The following TRABD2B variants were observed in gnomAD, a reference collection of about 807,000 sequenced individuals.
The protein encoded by TRABD2B is metalloprotease TIKI2.
A neutral mutation model predicts 40.1 loss-of-function variants in TRABD2B; 14 were observed. The observed-to-expected ratio is 0.35, with a 90% CI of 0.23 to 0.55. TRABD2B has a LOEUF of 0.55. Ranked by LOEUF, TRABD2B falls within the 20% of genes least tolerant of loss-of-function variation. TRABD2B has a pLI of 0.90. For synonymous variants in TRABD2B, 263 were observed against 277.0 expected, an observed-to-expected ratio of 0.95 and a Z score of 0.50; for missense variants, 541 against 648.6, an observed-to-expected ratio of 0.83 and a Z score of 1.80.
intron 2 of TRABD2B, among the ~76,000 whole-genome samples, chr1:47,970,995 A>G (rs1216962312): frequency 2.0e-5 from 3 of 152,258 alleles, no homozygotes; most frequent in African/African-American, 4.8e-5. Context: ...GTCAAACTCT[A>G]CATCACTGGA....
rs1433912345 is a variant in TRABD2B, at chr1:47,996,211, C to T, written c.102+477G>A. ...AACGAGGAACAGGGAGAAAGTTTGT[C>T]TTAGGTCAGAGTGGGAGGGCAGGGA... On this transcript the variant is annotated intron_variant, in intron 1 of 6. Coordinates refer to ENST00000606738, the MANE Select transcript of TRABD2B (RefSeq NM_001194986.2). The surrounding 1 kb of genome is among the most constrained non-coding windows in gnomAD (Gnocchi z 4.6). 6.6e-6 allele frequency among the ~76,000 whole-genome samples: 1 copy of T among 151,820 alleles called. No homozygotes were observed. Among genetic ancestry groups the T allele is most frequent in the Non-Finnish European group, 1.5e-5 (1 of 67,966 alleles).
chr1:47,905,573 G>GCACCT (rs1644664916), intron 2 of TRABD2B, among the ~76,000 whole-genome samples: 2 of 152,070 alleles, frequency 1.3e-5, no homozygotes, highest in African/African-American at 4.8e-5. Context: ...CCTCCACTTT[G>GCACCT]GAAAAGAAAT....
intron 2 of TRABD2B, among the ~76,000 whole-genome samples, chr1:47,840,711 A>T (rs1036961104): frequency 6.6e-6 from 1 of 152,210 alleles, no homozygotes; most frequent in African/African-American, 2.4e-5. Context: ...TATGAGCTCC[A>T]AACTCCCTGC....
chr1:47,789,413 A>G (rs933068114), intron 4 of TRABD2B, among the ~76,000 whole-genome samples: 1 of 152,198 alleles, frequency 6.6e-6, no homozygotes, highest in African/African-American at 2.4e-5. Context: ...TCACAAATCA[A>G]TAAGGGCCTC....
intron 2 of TRABD2B, among the ~76,000 whole-genome samples, chr1:47,910,645 T>C (rs1644750324): frequency 6.6e-6 from 1 of 152,070 alleles, no homozygotes. Context: ...TAGAGTGTAG[T>C]AGTTAGAAAA....
At chr1:47,976,478 T>G (rs1293573820) in intron 2 of TRABD2B, among the ~76,000 whole-genome samples, 1 of 152,190 alleles carries the variant, frequency 6.6e-6, no homozygotes. Flanking sequence ...ACCTACTATG[T>G]GCTAGACATA....
chr1:47,811,682 C>T (rs1355294162), intron 2 of TRABD2B, among the ~76,000 whole-genome samples: 2 of 152,132 alleles, frequency 1.3e-5, no homozygotes, highest in Non-Finnish European at 1.5e-5. Context: ...GTGGGGTCTG[C>T]CCTGTTGGAG....
At chr1:47,846,826 T>C (rs1645476345) in intron 2 of TRABD2B, among the ~76,000 whole-genome samples, 1 of 144,820 alleles carries the variant, frequency 6.9e-6, no homozygotes, top group Non-Finnish European at 1.5e-5. Flanking sequence ...TGGCTTAACA[T>C]AATGCAGGCC....
chr1:47,845,213 G>A (rs750592917), intron 2 of TRABD2B, among the ~76,000 whole-genome samples: 2 of 152,152 alleles, frequency 1.3e-5, no homozygotes, highest in Admixed American at 6.5e-5. Context: ...GTTATGGAAA[G>A]AGCATGTCCG....
chr1:47,928,968 C>T (rs1645005263), intron 2 of TRABD2B, among the ~76,000 whole-genome samples: 3 of 152,252 alleles, frequency 2.0e-5, no homozygotes, highest in South Asian at 4.1e-4. Flanking sequence ...TACCTCTCAG[C>T]CTTGCATTTT....
At chr1:47,776,620 G>A (rs1207765295) in intron 5 of TRABD2B, among the ~76,000 whole-genome samples, 2 of 152,148 alleles carry the variant, frequency 1.3e-5, no homozygotes, top group Non-Finnish European at 2.9e-5. Context: ...CCTCTCCATG[G>A]CCACAATAGA....
intron 2 of TRABD2B, among the ~76,000 whole-genome samples, chr1:47,938,901 T>G (rs533859058): frequency 6.7e-6 from 1 of 149,502 alleles, no homozygotes; most frequent in Non-Finnish European, 1.5e-5. Context: ...GTTCTGAATC[T>G]CATACACAGA....
At chr1:47,778,596 C>T in intron 4 of TRABD2B, 52 bp from the exon 5 acceptor site, 1 of 1,353,022 alleles carries the variant, frequency 7.4e-7, no homozygotes, top group South Asian at 1.2e-5. Flanking sequence ...CCACCGGCCA[C>T]AGGGGACTGC....
Position 47,880,321 on chromosome 1 carries a change from C to CA in TRABD2B, c.667-78703dup, listed in dbSNP as rs199731361. ...ACAAAGTGAGACTCGGTCTCCCCACCAAAAAAAAAGAGAAAGAAAAAGATG... is the reference window on the plus strand; with the variant it reads ...ACAAAGTGAGACTCGGTCTCCCCACCAAAAAAAAAAGAGAAAGAAAAAGATG... On this transcript the variant is annotated intron_variant, in intron 2 of 6. Transcript: ENST00000606738. 4.3e-4 allele frequency among the ~76,000 whole-genome samples: 63 copies of CA among 147,652 alleles called. No homozygotes were observed. In the East Asian group the frequency reaches 7.3e-3, roughly 17 times the overall value.
intron 2 of TRABD2B, among the ~76,000 whole-genome samples, chr1:47,958,091 T>C (rs1385093859): frequency 6.6e-6 from 1 of 151,934 alleles, no homozygotes; most frequent in Non-Finnish European, 1.5e-5. Context: ...AACCCAGAAT[T>C]TCATATCCAG....
In TRABD2B at chr1:47,801,569, G is replaced by C. The variant is rs2289386; in HGVS notation, c.717C>G (p.Ala239=). ...QTLLQQESVR[A]GSLQASYTTE... ...TGGTGTAGGAGGCCTGCAGGCTCCCGGCCCGCACACTCTCCTGCTGCAGCA... is the reference window on the plus strand; with the variant it reads ...TGGTGTAGGAGGCCTGCAGGCTCCCCGCCCGCACACTCTCCTGCTGCAGCA... The change falls in exon 3 of 7, where the codon GCC becomes GCG. Residue 239 remains alanine, a synonymous_variant. Coordinates refer to ENST00000606738, the MANE Select transcript of TRABD2B (RefSeq NM_001194986.2). The C allele has an allele frequency of 6.5e-7, 1 of 1,535,854 alleles. No individual in the cohort carries two copies. Among genetic ancestry groups the C allele is most frequent in the African/African-American group, 1.4e-5 (1 of 73,022 alleles).
chr1:47,887,351 C>T (rs1043958001), intron 2 of TRABD2B, among the ~76,000 whole-genome samples: 3 of 151,984 alleles, frequency 2.0e-5, no homozygotes, highest in Admixed American at 1.3e-4. Context: ...CTGATCTTAA[C>T]TTCGACATGC....
intron 2 of TRABD2B, among the ~76,000 whole-genome samples, chr1:47,888,618 C>T (rs1644404962): frequency 6.6e-6 from 1 of 152,118 alleles, no homozygotes. Context: ...TGACTGTCAC[C>T]TGCTTACCAC....
rs1035975558 is a variant in TRABD2B at position 47,847,028 on chromosome 1, G to T, written c.667-45409C>A. On this transcript the variant is annotated intron_variant, in intron 2 of 6. Transcript: ENST00000606738. Reference sequence around the variant, plus strand: ...ATGGTGTGCAGGGATCCTCCCAGGTGTTTCTTCTCTGACCTCCTCCCCACT... The same window carrying T: ...ATGGTGTGCAGGGATCCTCCCAGGTTTTTCTTCTCTGACCTCCTCCCCACT... Among the ~76,000 whole-genome samples the T allele has an allele frequency of 1.2e-4, 19 of 152,236 alleles. 1 individual carries two copies. Among genetic ancestry groups the T allele is most frequent in the Middle Eastern group, 6.8e-3 (2 of 294 alleles).
Sources: gnomAD v4.1 joint callset for allele counts (sites outside exome capture counted in the v4.1 genomes callset) on GRCh38, gnomAD v4.1.1 for gene constraint, Gnocchi (gnomAD v3.1) non-coding constraint, MANE v1.5 for transcripts, NCBI Gene and HGNC (gene_info 2026-07-23, HGNC 2026-07-21) for gene names.